The following USP32 variants were observed in gnomAD, a reference collection of about 807,000 sequenced individuals.
The protein encoded by USP32 is ubiquitin specific peptidase 32, also known as ubiquitin carboxyl-terminal hydrolase 32.
A neutral mutation model predicts 204.8 loss-of-function variants in USP32; 59 were observed. The observed-to-expected ratio is 0.29, with a 90% CI of 0.23 to 0.36. The LOEUF (loss-of-function observed/expected upper bound fraction) is 0.36, where lower values mean the gene tolerates loss of function less well. Ranked by LOEUF, USP32 falls within the 10% of genes least tolerant of loss-of-function variation. The pLI, the probability that USP32 is intolerant of heterozygous loss-of-function variation, is 1.00. For missense variants in USP32, 1,160 were observed against 1,946.4 expected, an observed-to-expected ratio of 0.60 and a Z score of 7.60; for synonymous variants, 517 against 678.4, an observed-to-expected ratio of 0.76 and a Z score of 3.70.
intron 1 of USP32, among the ~76,000 whole-genome samples, chr17:60,407,399 A>T (rs1279691070): frequency 6.6e-6 from 1 of 152,174 alleles, no homozygotes; most frequent in African/African-American, 2.4e-5. Flanking sequence ...AGTAGAAATA[A>T]CTTAGTGACC....
Position 60,255,360 on chromosome 17 carries a change from C to T in USP32, c.991-102G>A, listed in dbSNP as rs1343019456. The T allele has an allele frequency of 7.1e-6, 6 of 845,594 alleles. No individual in the cohort carries two copies. The African/African-American group carries it at 7.3e-5, about 10-fold the overall frequency. 52.4% of individuals were successfully genotyped at this position (845,594 alleles called of 1,614,324 possible). A position where few individuals can be genotyped will look rare whatever the true frequency, so the allele number is the denominator to read the frequency against. ...TTGCCTGGGCTGGAGTGCAATGGCA[C>T]GATCTTGGCTCACTGAAACCTCGGC... is the stretch of plus-strand genomic sequence containing the variant. On this transcript the variant is annotated intron_variant, in intron 9 of 33. Transcript: ENST00000300896.
chr17:60,403,209 G>T (rs181702425), intron 1 of USP32, among the ~76,000 whole-genome samples: 7 of 152,192 alleles, frequency 4.6e-5, no homozygotes, highest in African/African-American at 1.7e-4. Flanking sequence ...ACAGGGACAG[G>T]GTTTCACCAT....
At chr17:60,405,921 G>A (rs1349699887) in intron 1 of USP32, among the ~76,000 whole-genome samples, 2 of 152,104 alleles carry the variant, frequency 1.3e-5, no homozygotes, top group Non-Finnish European at 2.9e-5. Flanking sequence ...TGGGAGGCCA[G>A]TGTGGGAGGA....
intron 18 of USP32, 92 bp downstream of exon 18, chr17:60,213,489 T>C (rs1339674381): frequency 1.9e-5 from 11 of 591,720 alleles, no homozygotes; most frequent in Admixed American, 3.5e-5. Context: ...AAATAATAGT[T>C]GTTTTGGAGA....
At position 60,294,742 on chromosome 17, in the gene USP32, T is replaced by C. The variant is rs767478349; in HGVS notation, c.352A>G (p.Arg118Gly). ...GNYVIREEMERMLHVVDGKVP... is the reference protein window; with the variant it reads ...GNYVIREEMEGMLHVVDGKVP... ...TTACCATCCACCACGTGGAGCATTC[T>C]TTCCATTTCTTCCCGTATAACATAG... is the stretch of plus-strand genomic sequence containing the variant. The change falls in exon 4 of 34, where the codon AGA (arginine) becomes GGA (glycine). Residue 118 changes from arginine (R) to glycine (G), a missense_variant. Physicochemically the swap from Arg to Gly is moderately radical, Grantham distance 125 (BLOSUM62 -2). This residue lies in a region of USP32 where 536 missense variants were observed against 680.9 expected (regional missense o/e 0.79). Coordinates refer to ENST00000300896, the MANE Select transcript of USP32 (RefSeq NM_032582.4). The C allele has an allele frequency of 5.0e-6, 8 of 1,613,294 alleles. No homozygotes were observed. The highest frequency in any genetic ancestry group is 3.4e-6 in the Non-Finnish European group (4 of 1,179,518).
intron 17 of USP32, among the ~76,000 whole-genome samples, chr17:60,214,177 G>A (rs571095524): frequency 1.3e-5 from 2 of 152,162 alleles, no homozygotes; most frequent in African/African-American, 4.8e-5. Flanking sequence ...CCTGACCTCT[G>A]GTGCTCCAGC....
chr17:60,316,205 G>A (rs967940170), intron 2 of USP32: 1 of 233,480 alleles, frequency 4.3e-6, no homozygotes, highest in Admixed American at 5.4e-5. Flanking sequence ...CGCATATATG[G>A]AGCACATGCT....
chr17:60,277,192 C>A (rs1598182732), intron 5 of USP32, among the ~76,000 whole-genome samples: 1 of 152,158 alleles, frequency 6.6e-6, no homozygotes, highest in African/African-American at 2.4e-5. Flanking sequence ...AGCAGTATAC[C>A]ATATTCCCAA....
intron 33 of USP32, 121 bp downstream of exon 33, chr17:60,180,424 T>C (rs1036632997): frequency 2.2e-5 from 24 of 1,111,966 alleles, no homozygotes; most frequent in Non-Finnish European, 2.2e-5. Context: ...AGCATCTATA[T>C]ATTGATTCTA....
intron 5 of USP32, among the ~76,000 whole-genome samples, chr17:60,272,575 C>A (rs1352229629): frequency 6.6e-6 from 1 of 152,168 alleles, no homozygotes; most frequent in African/African-American, 2.4e-5. Flanking sequence ...CAGACTTCAC[C>A]TCCTACCACA....
At chr17:60,252,980 C>T (rs1050237500) in intron 10 of USP32, among the ~76,000 whole-genome samples, 1 of 152,150 alleles carries the variant, frequency 6.6e-6, no homozygotes, top group Admixed American at 6.6e-5. Flanking sequence ...TGACAAAGCA[C>T]ATACAGTAAA....
Position 60,223,589 on chromosome 17 carries a change from A to T in USP32, c.1433-3T>A. On this transcript the variant is annotated splice_polypyrimidine_tract_variant and splice_region_variant and intron_variant, in intron 13 of 33. Coordinates refer to ENST00000300896, the MANE Select transcript of USP32 (RefSeq NM_032582.4). ...TGGTGTGGCAGAATACAGAAAGCCTATAAAAAAAAAAGAGGATAGAATCTC... is the reference window on the plus strand; with the variant it reads ...TGGTGTGGCAGAATACAGAAAGCCTTTAAAAAAAAAAGAGGATAGAATCTC... 1.3e-6 allele frequency: 2 copies of T among 1,579,700 alleles called. No individual in the cohort carries two copies. The highest frequency in any genetic ancestry group is 1.7e-6 in the Non-Finnish European group (2 of 1,170,744).
intron 2 of USP32, among the ~76,000 whole-genome samples, chr17:60,317,838 A>G (rs1180346140): frequency 6.6e-6 from 1 of 152,116 alleles, no homozygotes; most frequent in Non-Finnish European, 1.5e-5. Flanking sequence ...ATACAAAATT[A>G]TCTGTGCATG....
At chr17:60,291,850 C>T (rs962794477) in intron 4 of USP32, among the ~76,000 whole-genome samples, 4 of 152,020 alleles carry the variant, frequency 2.6e-5, no homozygotes, top group African/African-American at 7.2e-5. Flanking sequence ...AAAAACACCA[C>T]CAACTCAGGC....
chr17:60,281,313 T>C (rs538442965), intron 5 of USP32, among the ~76,000 whole-genome samples: 6 of 152,170 alleles, frequency 3.9e-5, no homozygotes, highest in Admixed American at 3.9e-4. Context: ...CCGAGGCGGA[T>C]GGATCATGAG....
intron 12 of USP32, among the ~76,000 whole-genome samples, chr17:60,231,087 A>G (rs1447894826): frequency 1.3e-5 from 2 of 152,220 alleles, no homozygotes; most frequent in African/African-American, 4.8e-5. Context: ...AACAATTCAC[A>G]AAAGGACTAG....
intron 2 of USP32, among the ~76,000 whole-genome samples, chr17:60,329,055 C>A (rs1361882741): frequency 6.6e-6 from 1 of 152,172 alleles, no homozygotes; most frequent in East Asian, 1.9e-4. Flanking sequence ...CCACCAGCCA[C>A]ACGTTTCTGG....
intron 1 of USP32, among the ~76,000 whole-genome samples, chr17:60,358,247 G>A (rs1000763361): frequency 9.9e-5 from 15 of 152,012 alleles, no homozygotes; most frequent in African/African-American, 3.1e-4. Context: ...TTGTTTCTAC[G>A]GAAAAATAAG....
At chr17:60,231,079 C>T (rs1028461374) in intron 12 of USP32, among the ~76,000 whole-genome samples, 12 of 152,130 alleles carry the variant, frequency 7.9e-5, no homozygotes, top group Non-Finnish European at 1.5e-4. Context: ...TCTGAGTCAA[C>T]AATTCACAAA....
Sources: allele counts gnomAD v4.1 joint callset (sites outside exome capture counted in the v4.1 genomes callset), GRCh38; gene constraint gnomAD v4.1.1; regional missense constraint gnomAD v4.1.1; transcripts MANE v1.5; gene names NCBI Gene and HGNC (gene_info 2026-07-23, HGNC 2026-07-21).